The following PSPC1 variants were observed in gnomAD, a reference collection of about 807,000 sequenced individuals.
PSPC1 encodes the protein paraspeckle component 1, also known as paraspeckle protein 1.
A neutral mutation model predicts 51.6 loss-of-function variants in PSPC1; 14 were observed. That is an observed-to-expected ratio of 0.27 (90% confidence interval 0.18 to 0.42). PSPC1 has a LOEUF of 0.42. Among genes scored for constraint, PSPC1 ranks in the 10% least tolerant of loss-of-function variants. The pLI is 1.00. For synonymous variants in PSPC1, 193 were observed against 231.9 expected, an observed-to-expected ratio of 0.83 and a Z score of 1.53; for missense variants, 406 against 701.1, an observed-to-expected ratio of 0.58 and a Z score of 4.75.
chr13:19,747,358 G>A (rs1046998671), intron 4 of PSPC1, among the ~76,000 whole-genome samples: 4 of 152,100 alleles, frequency 2.6e-5, no homozygotes, highest in Non-Finnish European at 5.9e-5. Context: ...TAGAGACAGA[G>A]TCTCGTTCTG....
At chr13:19,754,861 T>C (rs1015149763) in intron 3 of PSPC1, among the ~76,000 whole-genome samples, 1 of 152,202 alleles carries the variant, frequency 6.6e-6, no homozygotes, top group African/African-American at 2.4e-5. Flanking sequence ...AAACGTATGC[T>C]TTATTTCAAA....
chr13:19,693,898 C>T (rs748940954), intron 6 of PSPC1, among the ~76,000 whole-genome samples: 4 of 151,916 alleles, frequency 2.6e-5, no homozygotes, highest in South Asian at 2.1e-4. Context: ...CCGAGATGGG[C>T]GGATCACGAG....
At chr13:19,690,106 A>G (rs1192694484) in intron 6 of PSPC1, among the ~76,000 whole-genome samples, 2 of 152,182 alleles carry the variant, frequency 1.3e-5, no homozygotes, top group Non-Finnish European at 2.9e-5. Flanking sequence ...GTATTTGTAA[A>G]AGAGTTTTTC....
chr13:19,767,392 T>C (rs1425445957), intron 2 of PSPC1, among the ~76,000 whole-genome samples: 1 of 152,042 alleles, frequency 6.6e-6, no homozygotes, highest in East Asian at 1.9e-4. Flanking sequence ...GGAAACAAAA[T>C]TTTTTAAATT....
chr13:19,716,988 G>A (rs1263100755), intron 6 of PSPC1, among the ~76,000 whole-genome samples: 1 of 151,888 alleles, frequency 6.6e-6, no homozygotes, highest in Admixed American at 6.6e-5. Flanking sequence ...TCAGGGGATC[G>A]AGACCAGCCT....
intron 1 of PSPC1, among the ~76,000 whole-genome samples, chr13:19,773,539 G>C (rs1209408336): frequency 6.6e-6 from 1 of 151,970 alleles, no homozygotes; most frequent in African/African-American, 2.4e-5. Context: ...CACCCGGCCT[G>C]TTTTTTATAT....
intron 1 of PSPC1, among the ~76,000 whole-genome samples, chr13:19,779,040 A>G (rs1889552320): frequency 7.7e-6 from 1 of 130,340 alleles, no homozygotes; most frequent in Admixed American, 7.5e-5. Flanking sequence ...CTGGGATGTG[A>G]GGAGCGCCTC....
At chr13:19,742,149 TA>T (rs1421218993) in intron 4 of PSPC1, among the ~76,000 whole-genome samples, 1 of 148,724 alleles carries the variant, frequency 6.7e-6, no homozygotes, top group Admixed American at 6.8e-5. Context: ...AGTTCATTGT[TA>T]GGGGAAAAAC....
At chr13:19,681,778 A>G (rs1287814927) in intron 6 of PSPC1, among the ~76,000 whole-genome samples, 2 of 152,222 alleles carry the variant, frequency 1.3e-5, no homozygotes, top group African/African-American at 4.8e-5. Flanking sequence ...ACAACTGAAT[A>G]TGATCCTTTG....
chr13:19,683,843 C>G (rs1347268207), intron 6 of PSPC1, among the ~76,000 whole-genome samples: 1 of 152,098 alleles, frequency 6.6e-6, no homozygotes, highest in African/African-American at 2.4e-5. Flanking sequence ...TATATGCCAT[C>G]TTTTCCTCTT....
At chr13:19,718,744 T>A (rs1234375899) in intron 6 of PSPC1, among the ~76,000 whole-genome samples, 2 of 152,108 alleles carry the variant, frequency 1.3e-5, no homozygotes, top group Admixed American at 1.3e-4. Context: ...TGTCCTTTAG[T>A]ATATGAATGG....
rs117916925 is a variant in PSPC1 at position 19,682,291 on chromosome 13, A to G, written c.1159-4468T>C. ...ATGAACATTCAATTCTGGATTCCCA[A>G]TATCATCTGGCTTTTCAGAATTCTA... On this transcript the variant is annotated intron_variant and NMD_transcript_variant, in intron 6 of 7. Coordinates refer to the PSPC1 transcript ENST00000471658. Among the ~76,000 whole-genome samples the G allele has an allele frequency of 4.5e-3, 693 of 152,314 alleles. 5 individuals are homozygous for G. Among genetic ancestry groups the G allele is most frequent in the South Asian group, 0.026 (127 of 4,820 alleles).
At chr13:19,688,793 T>C (rs1210073490) in intron 6 of PSPC1, among the ~76,000 whole-genome samples, 1 of 152,152 alleles carries the variant, frequency 6.6e-6, no homozygotes, top group Non-Finnish European at 1.5e-5. Flanking sequence ...AATATAACAA[T>C]GACATAATCT....
At chr13:19,677,676 C>CA in intron 7 of PSPC1, 1 of 413,700 alleles carries the variant, frequency 2.4e-6, no homozygotes, top group Admixed American at 3.3e-5. Flanking sequence ...TAGGAAGAAA[C>CA]GAATACTCAA....
chr13:19,681,438 G>T (rs373164501), intron 6 of PSPC1, among the ~76,000 whole-genome samples: 1 of 152,014 alleles, frequency 6.6e-6, no homozygotes, highest in South Asian at 2.1e-4. Flanking sequence ...CCTAAGGAAT[G>T]AATGTATAAA....
intron 6 of PSPC1, among the ~76,000 whole-genome samples, chr13:19,720,903 A>G (rs1721352669): frequency 6.6e-6 from 1 of 152,114 alleles, no homozygotes; most frequent in Non-Finnish European, 1.5e-5. Flanking sequence ...TCTAACTCAA[A>G]TAAGTAAAAG....
In PSPC1 at chr13:19,687,359, T is replaced by C. The variant is rs1317625491; in HGVS notation, c.1159-9536A>G. On this transcript the variant is annotated intron_variant and NMD_transcript_variant, in intron 6 of 7. Transcript: ENST00000471658. Reference sequence around the variant, plus strand: ...TACAAGACTCAAACTCACCAAGCCCTGCAGGGGACACCCAAATCACTCTGT... The same window carrying C: ...TACAAGACTCAAACTCACCAAGCCCCGCAGGGGACACCCAAATCACTCTGT... Among the ~76,000 whole-genome samples the C allele has an allele frequency of 1.3e-5, 2 of 152,222 alleles. 1 individual carries two copies. Among genetic ancestry groups the C allele is most frequent in the South Asian group, 4.1e-4 (2 of 4,826 alleles).
intron 5 of PSPC1, among the ~76,000 whole-genome samples, chr13:19,739,884 G>GT (rs1885255652): frequency 6.8e-6 from 1 of 147,992 alleles, no homozygotes; most frequent in Non-Finnish European, 1.5e-5. Context: ...AAAAAAAACA[G>GT]TAGTTCTCAA....
intron 6 of PSPC1, among the ~76,000 whole-genome samples, chr13:19,680,798 A>G (rs1199926469): frequency 6.6e-6 from 1 of 152,226 alleles, no homozygotes; most frequent in Non-Finnish European, 1.5e-5. Context: ...CAAAACATTT[A>G]AACAAAAGCG....
Sources: allele counts gnomAD v4.1 joint callset (sites outside exome capture counted in the v4.1 genomes callset), GRCh38; gene constraint gnomAD v4.1.1; transcripts MANE v1.5; gene names NCBI Gene and HGNC (gene_info 2026-07-23, HGNC 2026-07-21).